SNX29: variants seen among roughly 807,000 people sequenced by gnomAD.
SNX29 encodes sorting nexin-29.
Under a neutral mutation model 102.1 loss-of-function variants are expected in SNX29, and 78 were observed. That is an observed-to-expected ratio of 0.76 (90% CI 0.64 to 0.92). The LOEUF (loss-of-function observed/expected upper bound fraction) is 0.92, where lower values mean the gene tolerates loss of function less well. Ranked by LOEUF, SNX29 falls within the 40% of genes least tolerant of loss-of-function variation. The pLI is 0.00. For synonymous variants in SNX29, 580 were observed against 414.5 expected, an observed-to-expected ratio of 1.40 and a Z score of -4.85; for missense variants, 1,280 against 1,061.7, an observed-to-expected ratio of 1.21 and a Z score of -2.86.
intron 18 of SNX29, among the ~76,000 whole-genome samples, chr16:12,424,989 C>G (rs1473825436): frequency 6.6e-6 from 1 of 152,246 alleles, no homozygotes; most frequent in East Asian, 1.9e-4. Context: ...ACAGTGGAAC[C>G]TTGGGCTGCA....
At chr16:12,194,003 T>TCTG (rs1277535305) in intron 13 of SNX29, among the ~76,000 whole-genome samples, 1 of 152,240 alleles carries the variant, frequency 6.6e-6, no homozygotes, top group Admixed American at 6.5e-5. Flanking sequence ...AATGTTACAA[T>TCTG]CTGCTAGTCT....
chr16:12,259,535 G>T (rs147566785), intron 14 of SNX29, among the ~76,000 whole-genome samples: 15 of 152,336 alleles, frequency 9.8e-5, no homozygotes, highest in African/African-American at 3.1e-4. Context: ...TGGCGCAGAG[G>T]ACTGAGGAGC....
intron 19 of SNX29, among the ~76,000 whole-genome samples, chr16:12,513,551 T>G (rs1567640188): frequency 6.6e-6 from 1 of 152,206 alleles, no homozygotes. Context: ...TTCCAGGTGG[T>G]GATCACCTAG....
rs541293845 is a variant in SNX29, at chr16:12,289,853, G to A, written c.1782+11817G>A. 1.0e-3 allele frequency among the ~76,000 whole-genome samples: 159 copies of A among 152,022 alleles called. 1 individual carries two copies. The highest frequency in any genetic ancestry group is 4.4e-4 in the Non-Finnish European group (30 of 68,008). ...GGAGTCGTGTGGCCTTGATGGACGC[G>A]AGTGAAAGAGATGTAGTCCTGTCAA... On this transcript the variant is annotated intron_variant, in intron 15 of 20. Transcript: ENST00000566228.
At chr16:12,014,535 C>T (rs1206175499) in intron 3 of SNX29, among the ~76,000 whole-genome samples, 1 of 151,902 alleles carries the variant, frequency 6.6e-6, no homozygotes, top group East Asian at 1.9e-4. Context: ...GAGTTGGAGA[C>T]CCGCCTGACC....
At chr16:12,399,507 G>T (rs2083854443) in intron 17 of SNX29, among the ~76,000 whole-genome samples, 1 of 152,234 alleles carries the variant, frequency 6.6e-6, no homozygotes, top group Non-Finnish European at 1.5e-5. Flanking sequence ...TTTTAGAGCA[G>T]GCAGGGCTGG....
intron 13 of SNX29, among the ~76,000 whole-genome samples, chr16:12,191,909 T>C (rs1052851524): frequency 1.4e-4 from 22 of 152,196 alleles, no homozygotes; most frequent in Non-Finnish European, 5.9e-5. Flanking sequence ...GGTGTGGTTA[T>C]GGTTGATGCC....
rs185998045 is a variant in SNX29, at chr16:12,439,107, C to T, written c.2037+35578C>T. On this transcript the variant is annotated intron_variant, in intron 18 of 20. Coordinates refer to ENST00000566228, the MANE Select transcript of SNX29 (RefSeq NM_032167.5). ...TCCCCAGCCTCCCTCATCAGTGAAG[C>T]CAGTCTTTCCCAGAGGCCCTCCACC... 1.0e-3 allele frequency among the ~76,000 whole-genome samples: 152 copies of T among 152,328 alleles called. 3 individuals carry two copies. The South Asian group carries it at 0.02, about 20-fold the overall frequency.
At chr16:12,362,001 C>T (rs936100720) in intron 16 of SNX29, among the ~76,000 whole-genome samples, 1 of 151,998 alleles carries the variant, frequency 6.6e-6, no homozygotes, top group African/African-American at 2.4e-5. Flanking sequence ...TAATAACGAG[C>T]ACATGCCTAT....
rs1037283030 is a variant in SNX29 at position 12,043,039 on chromosome 16, C to G, written c.390C>G (p.Arg130=). Residue 130 remains arginine (R), a synonymous_variant, in exon 5 of 21, where the codon CGC becomes CGG. Transcript: ENST00000566228. The part of the protein sequence containing the change: ...RCALNEHSLE[R]YLHMLLADRC... ...CCCTCAACGAACACTCCCTGGAGCG[C>G]TACCTGCACATGCTCCTGGCCGACC... 9 of 1,613,414 alleles carry G rather than the reference C, an allele frequency of 5.6e-6. No individual in the cohort carries two copies. Among genetic ancestry groups the G allele is most frequent in the Non-Finnish European group, 6.8e-6 (8 of 1,179,870 alleles).
At chr16:12,461,978 A>AATATATATATATATATAT (rs71139595) in intron 18 of SNX29, among the ~76,000 whole-genome samples, 1 of 27,352 alleles carries the variant, frequency 3.7e-5, no homozygotes, top group Non-Finnish European at 6.3e-5. Context: ...AAAAAAAAAA[A>AATATATATATATATATAT]ATATATATAT....
At chr16:12,321,032 C>T (rs1459341257) in intron 15 of SNX29, among the ~76,000 whole-genome samples, 1 of 152,104 alleles carries the variant, frequency 6.6e-6, no homozygotes, top group Non-Finnish European at 1.5e-5. Flanking sequence ...TGAAGAAAAT[C>T]CTCACCCTCC....
chr16:12,461,172 G>A (rs2086761869), intron 18 of SNX29, among the ~76,000 whole-genome samples: 2 of 152,166 alleles, frequency 1.3e-5, no homozygotes, highest in African/African-American at 4.8e-5. Flanking sequence ...TCTATCTCAG[G>A]CAGCCTTAGT....
Position 12,571,592 on chromosome 16 carries a change from A to T in SNX29, c.*2963A>T, listed in dbSNP as rs78423456. The T allele has an allele frequency of 9.1e-4, 963 of 1,056,228 alleles. 3 individuals are homozygous for T. In the African/African-American group the frequency reaches 0.014, roughly 16 times the overall value. The allele number at this position is 1,056,228 out of a possible 1,614,324, so 65.4% of individuals were successfully genotyped here. ...TCTGTCTTCATGGCCTGCTGTGCTG[A>T]AACAGAACAGCAGGTTCCATCTTTC... On this transcript the variant is annotated 3_prime_UTR_variant, in exon 21 of 21. Coordinates refer to ENST00000566228, the MANE Select transcript of SNX29 (RefSeq NM_032167.5).
chr16:11,978,002 G>A, intron 1 of SNX29, among the ~76,000 whole-genome samples: 1 of 152,110 alleles, frequency 6.6e-6, no homozygotes, highest in East Asian at 1.9e-4. Context: ...GAGGTTGAGC[G>A]GGGGGCAAGG....
chr16:12,299,214 C>T (rs577495442), intron 15 of SNX29, among the ~76,000 whole-genome samples: 88 of 152,090 alleles, frequency 5.8e-4, no homozygotes, highest in Non-Finnish European at 3.1e-4. Context: ...GCAGGAGAAT[C>T]GCTGGCACCC....
intron 10 of SNX29, among the ~76,000 whole-genome samples, chr16:12,073,257 T>G (rs1168362617): frequency 3.9e-5 from 6 of 152,220 alleles, no homozygotes; most frequent in Admixed American, 2.6e-4. Flanking sequence ...CTTTTAATTG[T>G]GATGTTAGGG....
At chr16:12,059,673 C>T (rs371467711) in intron 8 of SNX29, among the ~76,000 whole-genome samples, 1 of 152,150 alleles carries the variant, frequency 6.6e-6, no homozygotes, top group East Asian at 1.9e-4. Context: ...AAGCAGTGAA[C>T]AGTTGTTACA....
chr16:12,456,398 C>A (rs1012603194), intron 18 of SNX29, among the ~76,000 whole-genome samples: 1 of 152,066 alleles, frequency 6.6e-6, no homozygotes, highest in Non-Finnish European at 1.5e-5. Flanking sequence ...AAAAACTAGG[C>A]AAGATAATTG....
Sources: gnomAD v4.1 joint callset for allele counts (sites outside exome capture counted in the v4.1 genomes callset) on GRCh38, gnomAD v4.1.1 for gene constraint, MANE v1.5 for transcripts, NCBI Gene and HGNC (gene_info 2026-07-23, HGNC 2026-07-21) for gene names.